Variants in DYM observed in about 807,000 individuals in gnomAD.
The protein encoded by DYM is dyggve-Melchior-Clausen syndrome protein.
Under a neutral mutation model 93.1 loss-of-function variants are expected in DYM, and 78 were observed. The observed-to-expected ratio is 0.84, with a 90% confidence interval of 0.70 to 1.01. The LOEUF (loss-of-function observed/expected upper bound fraction) is 1.01, where lower values mean the gene tolerates loss of function less well. Among genes scored for constraint, DYM ranks in the 50% least tolerant of loss-of-function variants. The pLI is 0.00. For missense variants in DYM, 789 were observed against 845.0 expected, an observed-to-expected ratio of 0.93 and a Z score of 0.82; for synonymous variants, 321 against 319.7, an observed-to-expected ratio of 1.00 and a Z score of -0.04.
chr18:49,181,697 C>T (rs1414333682), intron 14 of DYM, among the ~76,000 whole-genome samples: 1 of 152,100 alleles, frequency 6.6e-6, no homozygotes, highest in Admixed American at 6.6e-5. Flanking sequence ...GTTCAAGATA[C>T]AGCCCAAAAT....
intron 2 of DYM, among the ~76,000 whole-genome samples, chr18:49,405,008 A>AT (rs1471829097): frequency 1.7e-5 from 2 of 117,552 alleles, no homozygotes; most frequent in Admixed American, 8.6e-5. Context: ...GTGAGACTCC[A>AT]TCTCAAAAAA....
chr18:49,236,585 T>C (rs768279984), intron 13 of DYM, among the ~76,000 whole-genome samples: 33 of 152,208 alleles, frequency 2.2e-4, no homozygotes, highest in Middle Eastern at 6.8e-3. Context: ...GGAAAACTAA[T>C]ATATGGAAAG....
intron 8 of DYM, among the ~76,000 whole-genome samples, chr18:49,302,151 C>A (rs2146200584): frequency 6.6e-6 from 1 of 152,250 alleles, no homozygotes; most frequent in East Asian, 1.9e-4. Context: ...TTTTTGTGAG[C>A]TAAGAACAAA....
In DYM at chr18:49,286,614, C is replaced by T; in HGVS notation, c.766G>A (p.Gly256Arg). The change falls in exon 9 of 18, where the codon GGA becomes AGA. Residue 256 changes from glycine to arginine, a missense_variant and splice_region_variant. By Grantham distance (125) the Gly-to-Arg change is moderately radical. Around this residue, in one of 3 missense-constraint regions of DYM, gnomAD observed 450 missense variants for 436.2 expected, o/e 1.03. Coordinates refer to ENST00000675505, the MANE Select transcript of DYM (RefSeq NM_001353214.3). ...LYGLASGVAT[G>R]LWTVFTLGGV... The stretch of plus-strand genomic sequence containing the variant: ...CCTAGTGTGAAGACAGTCCAGAGTC[C>T]TGCTGGGGAGGAAAACACCCTGTTA... 1.2e-6 allele frequency: 2 copies of T among 1,613,722 alleles called. No individual in the cohort carries two copies. Among genetic ancestry groups the T allele is most frequent in the East Asian group, 2.2e-5 (1 of 44,812 alleles).
chr18:49,389,265 C>A (rs951701793), intron 3 of DYM, among the ~76,000 whole-genome samples: 16 of 151,936 alleles, frequency 1.1e-4, no homozygotes, highest in African/African-American at 3.6e-4. Flanking sequence ...GTAACACATT[C>A]CTGATACAAT....
chr18:49,063,212 C>G (rs1201277785), intron 17 of DYM, among the ~76,000 whole-genome samples: 2 of 152,182 alleles, frequency 1.3e-5, no homozygotes, highest in Non-Finnish European at 2.9e-5. Context: ...TTTCCCACAC[C>G]TGACACAGGT....
chr18:49,352,225 T>C, intron 6 of DYM, among the ~76,000 whole-genome samples: 1 of 151,800 alleles, frequency 6.6e-6, no homozygotes, highest in Non-Finnish European at 1.5e-5. Context: ...AAATGAAGAG[T>C]GACTGCTAAT....
At chr18:49,068,350 A>T (rs1159754021) in intron 17 of DYM, among the ~76,000 whole-genome samples, 1 of 152,164 alleles carries the variant, frequency 6.6e-6, no homozygotes, top group Non-Finnish European at 1.5e-5. Context: ...CTCCATTCTA[A>T]CAACTAATGC....
chr18:49,295,578 T>G (rs1052615712), intron 8 of DYM, among the ~76,000 whole-genome samples: 1 of 152,176 alleles, frequency 6.6e-6, no homozygotes, highest in Non-Finnish European at 1.5e-5. Context: ...GGAGGAACTT[T>G]GGTCCCTGGA....
intron 17 of DYM, among the ~76,000 whole-genome samples, chr18:49,062,190 G>A (rs1222906451): frequency 1.3e-5 from 2 of 152,216 alleles, no homozygotes; most frequent in African/African-American, 4.8e-5. Flanking sequence ...GAGACTGGGA[G>A]AAAGTCCCAA....
intron 11 of DYM, among the ~76,000 whole-genome samples, chr18:49,260,999 T>C (rs1427779199): frequency 6.6e-6 from 1 of 151,984 alleles, no homozygotes; most frequent in Admixed American, 6.6e-5. Flanking sequence ...CAGTCATCCA[T>C]GAAATCAGGA....
In DYM at chr18:49,044,215, A is replaced by G. The variant is rs1410429389; in HGVS notation, c.2026-11T>C. On this transcript the variant is annotated splice_polypyrimidine_tract_variant and intron_variant, in intron 17 of 17. Transcript: ENST00000675505. ...CAATTCTGGAAATTTCTGCAATGAA[A>G]ATAAGATGATTTTATAATCCCACAG... 7 of 1,613,952 alleles carry G rather than the reference A, an allele frequency of 4.3e-6. No individual in the cohort carries two copies. The highest frequency in any genetic ancestry group is 5.9e-6 in the Non-Finnish European group (7 of 1,179,974).
At chr18:49,085,212 TC>T (rs2078402121) in intron 17 of DYM, among the ~76,000 whole-genome samples, 1 of 152,140 alleles carries the variant, frequency 6.6e-6, no homozygotes, top group South Asian at 2.1e-4. Flanking sequence ...CCCTCCAATC[TC>T]ACTGTGAGAC....
At chr18:49,449,424 T>C (rs1486527611) in intron 1 of DYM, among the ~76,000 whole-genome samples, 2 of 152,200 alleles carry the variant, frequency 1.3e-5, no homozygotes, top group Non-Finnish European at 2.9e-5. Flanking sequence ...CGGTACCTCT[T>C]GACAACCCTA....
At chr18:49,286,751 A>G in intron 8 of DYM, 135 bp from the exon 9 acceptor site, 2 of 843,562 alleles carry the variant, frequency 2.4e-6, no homozygotes, top group Non-Finnish European at 3.8e-6. Flanking sequence ...ATGTCTATAC[A>G]TTTCACAAGG....
intron 17 of DYM, among the ~76,000 whole-genome samples, chr18:49,096,242 T>C (rs553509743): frequency 3.2e-4 from 49 of 152,338 alleles, no homozygotes; most frequent in African/African-American, 1.1e-3. Flanking sequence ...AACAGAACAT[T>C]TGCCATCTTT....
At chr18:49,423,186 C>T (rs1600138484) in intron 2 of DYM, among the ~76,000 whole-genome samples, 1 of 152,228 alleles carries the variant, frequency 6.6e-6, no homozygotes, top group South Asian at 2.1e-4. Flanking sequence ...GAAATTATAA[C>T]AAACTGTCTC....
chr18:49,206,338 T>C (rs1198356158), intron 14 of DYM: 1 of 153,830 alleles, frequency 6.5e-6, no homozygotes, highest in Non-Finnish European at 1.4e-5. Context: ...TATTTCTCTC[T>C]AGAAACTGAG....
At chr18:49,265,830 G>C (rs2094561375) in intron 11 of DYM, among the ~76,000 whole-genome samples, 1 of 147,906 alleles carries the variant, frequency 6.8e-6, no homozygotes, top group Non-Finnish European at 1.5e-5. Flanking sequence ...GAAAACAAAA[G>C]CCAGATATAT....
Sources: gnomAD v4.1 joint callset for allele counts (sites outside exome capture counted in the v4.1 genomes callset) on GRCh38, gnomAD v4.1.1 for gene constraint, gnomAD v4.1.1 regional missense constraint, MANE v1.5 for transcripts, NCBI Gene and HGNC (gene_info 2026-07-23, HGNC 2026-07-21) for gene names.